RUNX2: variants seen among roughly 807,000 people sequenced by gnomAD.
RUNX2 encodes runt-related transcription factor 2.
A neutral mutation model predicts 51.7 loss-of-function variants in RUNX2; 10 were observed. The ratio of observed to expected loss-of-function variants is 0.19; its 90% confidence interval spans 0.12 to 0.33. The LOEUF is 0.33. Ranked by LOEUF, RUNX2 falls within the 10% of genes least tolerant of loss-of-function variation. The pLI, the probability that RUNX2 is intolerant of heterozygous loss-of-function variation, is 1.00. For missense variants in RUNX2, 562 were observed against 691.3 expected, an observed-to-expected ratio of 0.81 and a Z score of 2.10; for synonymous variants, 276 against 273.6, an observed-to-expected ratio of 1.01 and a Z score of -0.09.
chr6:45,487,129 C>A (rs1800307523), intron 5 of RUNX2, among the ~76,000 whole-genome samples: 1 of 152,162 alleles, frequency 6.6e-6, no homozygotes, highest in Non-Finnish European at 1.5e-5. Flanking sequence ...ACACACTCAA[C>A]TTTTTGAAAG....
chr6:45,365,120 A>T, intron 2 of RUNX2: 1 of 821,318 alleles, frequency 1.2e-6, no homozygotes. Flanking sequence ...GTTAAGTTTT[A>T]TAAATGTTGT....
At chr6:45,500,297 G>A (rs1167401940) in intron 6 of RUNX2, among the ~76,000 whole-genome samples, 1 of 152,092 alleles carries the variant, frequency 6.6e-6, no homozygotes, top group African/African-American at 2.4e-5. Flanking sequence ...AGTCTAAAAA[G>A]TGTTTTCATT....
chr6:45,501,699 G>A (rs895184725), intron 6 of RUNX2, among the ~76,000 whole-genome samples: 1 of 152,176 alleles, frequency 6.6e-6, no homozygotes, highest in Non-Finnish European at 1.5e-5. Context: ...ATAGACAGAT[G>A]AGCTGCCTTC....
At chr6:45,418,985 G>C (rs1798120348) in intron 2 of RUNX2, among the ~76,000 whole-genome samples, 1 of 152,112 alleles carries the variant, frequency 6.6e-6, no homozygotes, top group African/African-American at 2.4e-5. Context: ...TCTCACTATT[G>C]ATTAAATTGC....
chr6:45,453,489 C>T (rs894245358), intron 5 of RUNX2, among the ~76,000 whole-genome samples: 2 of 152,148 alleles, frequency 1.3e-5, no homozygotes, highest in African/African-American at 4.8e-5. Context: ...CTGGTATACC[C>T]ACAAAAAGTG....
chr6:45,461,161 A>C (rs533771720), intron 5 of RUNX2, among the ~76,000 whole-genome samples: 89 of 152,190 alleles, frequency 5.8e-4, no homozygotes, highest in Non-Finnish European at 1.1e-3. Context: ...GAATAGGTAG[A>C]ATCAGGCTAA....
intron 2 of RUNX2, among the ~76,000 whole-genome samples, chr6:45,401,046 A>T (rs1231073053): frequency 2.0e-5 from 3 of 152,178 alleles, no homozygotes; most frequent in Non-Finnish European, 4.4e-5. Flanking sequence ...TTTGCTATTT[A>T]TTGGAAATTT....
chr6:45,416,490 T>A (rs1400484273), intron 2 of RUNX2, among the ~76,000 whole-genome samples: 1 of 152,218 alleles, frequency 6.6e-6, no homozygotes, highest in Non-Finnish European at 1.5e-5. Context: ...AAAGAATGGC[T>A]GAATTACTAC....
At chr6:45,518,925 C>A (rs1356739770) in intron 7 of RUNX2, among the ~76,000 whole-genome samples, 1 of 152,174 alleles carries the variant, frequency 6.6e-6, no homozygotes, top group Non-Finnish European at 1.5e-5. Context: ...CGCAGTTTAA[C>A]TTAGGACACC....
intron 7 of RUNX2, among the ~76,000 whole-genome samples, chr6:45,540,696 G>A (rs909835364): frequency 1.1e-4 from 16 of 152,166 alleles, no homozygotes; most frequent in Non-Finnish European, 5.9e-5. Flanking sequence ...GATTAACCCA[G>A]GATCATAAGG....
chr6:45,460,906 G>A (rs2150386486), intron 5 of RUNX2, among the ~76,000 whole-genome samples: 1 of 152,206 alleles, frequency 6.6e-6, no homozygotes, highest in South Asian at 2.1e-4. Flanking sequence ...GTAAAATTTT[G>A]TCATTTGTAA....
chr6:45,530,027 T>C (rs1478618335), intron 7 of RUNX2, among the ~76,000 whole-genome samples: 1 of 152,238 alleles, frequency 6.6e-6, no homozygotes, highest in African/African-American at 2.4e-5. Flanking sequence ...ACTAGGGAAC[T>C]GGAGATGTGG....
chr6:45,544,521 A>T (rs765058046), intron 7 of RUNX2, among the ~76,000 whole-genome samples: 1 of 152,210 alleles, frequency 6.6e-6, no homozygotes, highest in Non-Finnish European at 1.5e-5. Flanking sequence ...GTACAGATAC[A>T]CCTAAGAAGC....
At chr6:45,399,071 T>A (rs1015889858) in intron 2 of RUNX2, among the ~76,000 whole-genome samples, 1 of 152,206 alleles carries the variant, frequency 6.6e-6, no homozygotes, top group African/African-American at 2.4e-5. Context: ...GAGTTTGAGT[T>A]GCTGGGACTC....
chr6:45,502,380 G>T (rs1360776870), intron 6 of RUNX2, among the ~76,000 whole-genome samples: 2 of 152,120 alleles, frequency 1.3e-5, no homozygotes, highest in Non-Finnish European at 2.9e-5. Context: ...TAAAAATTAT[G>T]CCTATTGTTC....
At chr6:45,543,253 C>A (rs1311770793) in intron 7 of RUNX2, among the ~76,000 whole-genome samples, 4 of 152,154 alleles carry the variant, frequency 2.6e-5, no homozygotes, top group African/African-American at 9.7e-5. Context: ...AGGCACATAC[C>A]ATTTTGAAAC....
chr6:45,411,438 A>G (rs1797948922), intron 2 of RUNX2, among the ~76,000 whole-genome samples: 1 of 152,118 alleles, frequency 6.6e-6, no homozygotes. Context: ...GAACTGGAAT[A>G]TTTTTGCCAT....
chr6:45,442,049 T>G (rs955510954), intron 5 of RUNX2, among the ~76,000 whole-genome samples: 1 of 152,218 alleles, frequency 6.6e-6, no homozygotes, highest in African/African-American at 2.4e-5. Context: ...CATTACAAGA[T>G]TAAAAAGTAC....
chr6:45,466,782 C>T (rs1799641277), intron 5 of RUNX2, among the ~76,000 whole-genome samples: 1 of 152,172 alleles, frequency 6.6e-6, no homozygotes, highest in Non-Finnish European at 1.5e-5. Context: ...AATTTGTATG[C>T]CTGAGTAGCT....
Sources: gnomAD v4.1 joint callset for allele counts (sites outside exome capture counted in the v4.1 genomes callset) on GRCh38, gnomAD v4.1.1 for gene constraint, MANE v1.5 for transcripts, NCBI Gene and HGNC (gene_info 2026-07-23, HGNC 2026-07-21) for gene names.